ZFPM2: variants seen among roughly 807,000 people sequenced by gnomAD.
The protein encoded by ZFPM2 is zinc finger protein ZFPM2.
Under a neutral mutation model 98.6 loss-of-function variants are expected in ZFPM2, and 20 were observed. The observed-to-expected ratio is 0.20, with a 90% CI of 0.14 to 0.29. The LOEUF is 0.29. ZFPM2 is among the 10% of genes least tolerant of loss of function. The pLI is 1.00. For synonymous variants in ZFPM2, 518 were observed against 502.7 expected (o/e 1.03, Z -0.41); for missense variants, 1,310 against 1,388.6 (o/e 0.94, Z 0.90).
rs559964928 is a variant in ZFPM2, at chr8:105,758,785, G to A, written c.533-29933G>A. On this transcript the variant is annotated intron_variant, in intron 5 of 7. Transcript: ENST00000407775. The stretch of plus-strand genomic sequence containing the variant: ...AGCTAGGGCCCTGTTAACTCTGAAC[G>A]CTCATACAGAAATCATGCCTCAGGT... Among the ~76,000 whole-genome samples the A allele has an allele frequency of 5.1e-4, 77 of 152,070 alleles. 1 individual carries two copies. Among genetic ancestry groups the A allele is most frequent in the African/African-American group, 1.7e-3 (71 of 41,512 alleles).
At chr8:105,565,815 A>C (rs879478613) in intron 4 of ZFPM2, among the ~76,000 whole-genome samples, 1 of 152,192 alleles carries the variant, frequency 6.6e-6, no homozygotes, top group Non-Finnish European at 1.5e-5. Context: ...GGGGATTTTT[A>C]CATGCCTAAA....
At chr8:105,661,888 G>A (rs984347562) in intron 5 of ZFPM2, among the ~76,000 whole-genome samples, 2 of 152,046 alleles carry the variant, frequency 1.3e-5, no homozygotes, top group African/African-American at 4.8e-5. Context: ...AACCCAGTTG[G>A]GAGTAGCGCT....
chr8:105,623,528 C>T (rs1175136653), intron 4 of ZFPM2, among the ~76,000 whole-genome samples: 1 of 151,984 alleles, frequency 6.6e-6, no homozygotes, highest in African/African-American at 2.4e-5. Context: ...TCAGAATTGC[C>T]CTCTTTTTTG....
intron 3 of ZFPM2, among the ~76,000 whole-genome samples, chr8:105,550,565 A>C (rs751108690): frequency 4.5e-4 from 68 of 152,164 alleles, no homozygotes; most frequent in Non-Finnish European, 8.7e-4. Context: ...CATTGTGGAG[A>C]TATCTAGAAA....
intron 1 of ZFPM2, among the ~76,000 whole-genome samples, chr8:105,380,616 T>TAA (rs1810831145): frequency 1.8e-5 from 1 of 56,438 alleles, no homozygotes; most frequent in African/African-American, 7.6e-5. Flanking sequence ...TATATATATA[T>TAA]TATATATAAC....
rs1813918578 is a variant in ZFPM2, at chr8:105,798,927, A to G, written c.943A>G (p.Met315Val). Residue 315 changes from methionine (M) to valine (V), a missense_variant, in exon 7 of 8, where the codon ATG becomes GTG. Physicochemically the swap from Met to Val is conservative, Grantham distance 21. Coordinates refer to ENST00000407775, the MANE Select transcript of ZFPM2 (RefSeq NM_012082.4). ...CTTTTCAAATGCTCGAGCTCTAGAA[A>G]TGCACCTGAATTCACACAGTGGTAA... Reference protein sequence around the residue: ...KSFSNARALEMHLNSHSGVKM... With the variant: ...KSFSNARALEVHLNSHSGVKM... The G allele has an allele frequency of 3.1e-6, 5 of 1,613,700 alleles. No individual in the cohort carries two copies. Among genetic ancestry groups the G allele is most frequent in the Non-Finnish European group, 4.2e-6 (5 of 1,179,756 alleles).
intron 3 of ZFPM2, among the ~76,000 whole-genome samples, chr8:105,482,435 A>AT (rs2130389815): frequency 6.6e-6 from 1 of 152,256 alleles, no homozygotes; most frequent in East Asian, 1.9e-4. Flanking sequence ...CTTTGCATTT[A>AT]TTGTGATTAC....
At chr8:105,446,812 G>A (rs2054578) in intron 3 of ZFPM2, among the ~76,000 whole-genome samples, 62,930 of 151,698 alleles carry the variant, frequency 0.41, 15,099 homozygotes, top group East Asian at 0.66. Context: ...GCCAAAAAAG[G>A]GGTTTTATTA....
chr8:105,430,707 T>A (rs1375397654), intron 2 of ZFPM2, among the ~76,000 whole-genome samples: 1 of 152,106 alleles, frequency 6.6e-6, no homozygotes, highest in Non-Finnish European at 1.5e-5. Context: ...GAATGCGTCT[T>A]GTGATAACTT....
intron 3 of ZFPM2, among the ~76,000 whole-genome samples, chr8:105,499,263 A>C (rs959562199): frequency 4.6e-5 from 7 of 152,102 alleles, no homozygotes; most frequent in Non-Finnish European, 4.4e-5. Flanking sequence ...AAAAAAAAAA[A>C]AAGGGTGGAG....
chr8:105,399,623 G>A (rs1185458179), intron 1 of ZFPM2, among the ~76,000 whole-genome samples: 1 of 152,108 alleles, frequency 6.6e-6, no homozygotes, highest in Admixed American at 6.6e-5. Context: ...GAGAGGAGGT[G>A]CCCCAAAATA....
At chr8:105,779,774 C>T (rs577372366) in intron 5 of ZFPM2, among the ~76,000 whole-genome samples, 13 of 152,146 alleles carry the variant, frequency 8.5e-5, no homozygotes, top group Non-Finnish European at 1.6e-4. Flanking sequence ...GTCTGCATGA[C>T]ATTGTGCAGA....
chr8:105,509,448 C>G (rs956153315), intron 3 of ZFPM2, among the ~76,000 whole-genome samples: 4 of 151,984 alleles, frequency 2.6e-5, no homozygotes, highest in African/African-American at 9.7e-5. Flanking sequence ...ATTGTTCATG[C>G]GATATGGTGC....
At chr8:105,523,576 G>A (rs1038604879) in intron 3 of ZFPM2, among the ~76,000 whole-genome samples, 1 of 152,144 alleles carries the variant, frequency 6.6e-6, no homozygotes, top group African/African-American at 2.4e-5. Flanking sequence ...AGCATCCTGA[G>A]CTTTGAAGTA....
chr8:105,453,641 GT>G (rs1210957725), intron 3 of ZFPM2, among the ~76,000 whole-genome samples: 1 of 150,676 alleles, frequency 6.6e-6, no homozygotes, highest in Non-Finnish European at 1.5e-5. Flanking sequence ...GTTTTGTTTT[GT>G]TTTGTTTTTT....
chr8:105,548,737 A>T (rs1814771990), intron 3 of ZFPM2, among the ~76,000 whole-genome samples: 1 of 152,140 alleles, frequency 6.6e-6, no homozygotes, highest in Admixed American at 6.6e-5. Flanking sequence ...AGGTTGCCTT[A>T]GGAGATTTTT....
intron 2 of ZFPM2, among the ~76,000 whole-genome samples, chr8:105,430,973 G>A (rs1395706069): frequency 1.3e-5 from 2 of 150,576 alleles, no homozygotes; most frequent in African/African-American, 2.4e-5. Context: ...GAGCGATCTC[G>A]GCTCAGTGCA....
chr8:105,483,010 C>CCTTCCTTT, intron 3 of ZFPM2, among the ~76,000 whole-genome samples: 1 of 120,334 alleles, frequency 8.3e-6, no homozygotes, highest in Non-Finnish European at 1.7e-5. Context: ...TTCCTTCCTT[C>CCTTCCTTT]CTTCCTTCCT....
intron 3 of ZFPM2, among the ~76,000 whole-genome samples, chr8:105,511,179 A>G (rs1400734133): frequency 6.6e-6 from 1 of 151,956 alleles, no homozygotes; most frequent in African/African-American, 2.4e-5. Flanking sequence ...ATGCTCTCCA[A>G]CTCCCTCATC....
Sources: allele counts gnomAD v4.1 joint callset (sites outside exome capture counted in the v4.1 genomes callset), GRCh38; gene constraint gnomAD v4.1.1; transcripts MANE v1.5; gene names NCBI Gene and HGNC (gene_info 2026-07-23, HGNC 2026-07-21).